The following NUP35 variants were observed in gnomAD, a reference collection of about 807,000 sequenced individuals.
The protein encoded by NUP35 is nucleoporin 35, also known as nucleoporin NUP35.
In NUP35, 25 loss-of-function variants were observed where a neutral mutation model predicts 41.5. The ratio of observed to expected loss-of-function variants is 0.60; its 90% confidence interval spans 0.44 to 0.84. NUP35 has a LOEUF of 0.84. NUP35 is among the 40% of genes least tolerant of loss of function. The pLI is 0.00. For synonymous variants in NUP35, 149 were observed against 130.7 expected (o/e 1.14, Z -0.96); for missense variants, 396 against 396.6 (o/e 1.00, Z 0.01).
chr2:183,142,454 CT>C (rs200327315), intron 4 of NUP35, among the ~76,000 whole-genome samples: 112 of 141,664 alleles, frequency 7.9e-4, no homozygotes, highest in Admixed American at 7.7e-4. Context: ...TGTGTGTTTT[CT>C]TTTTTTTTTT....
intron 4 of NUP35, among the ~76,000 whole-genome samples, chr2:183,134,156 A>T (rs374288625): frequency 9.2e-5 from 14 of 152,202 alleles, no homozygotes; most frequent in Non-Finnish European, 2.1e-4. Context: ...TTTAATAATC[A>T]TCATTATGCT....
chr2:183,159,379 A>T, intron 7 of NUP35, 109 bp from the exon 8 acceptor site: 1 of 862,860 alleles, frequency 1.2e-6, no homozygotes, highest in South Asian at 2.1e-5. Flanking sequence ...AATTAGAGCA[A>T]ATAAAGTATT....
intron 4 of NUP35, among the ~76,000 whole-genome samples, chr2:183,146,907 T>G (rs889966463): frequency 6.6e-6 from 1 of 152,166 alleles, no homozygotes; most frequent in Non-Finnish European, 1.5e-5. Context: ...ATTTTTTGAC[T>G]TTTTAATAGT....
chr2:183,146,772 T>A (rs539431381), intron 4 of NUP35, among the ~76,000 whole-genome samples: 3 of 152,194 alleles, frequency 2.0e-5, no homozygotes, highest in African/African-American at 7.2e-5. Flanking sequence ...AGTTTTTGTA[T>A]TTTTAGTAGA....
upstream of NUP35, among the ~76,000 whole-genome samples, chr2:183,122,860 A>G (rs934654454): frequency 1.3e-5 from 2 of 150,876 alleles, no homozygotes; most frequent in African/African-American, 4.8e-5. Flanking sequence ...AAAGATATCC[A>G]TACACTAAGC....
chr2:183,151,422 C>T, intron 4 of NUP35, 86 bp from the exon 5 acceptor site: 1 of 1,318,096 alleles, frequency 7.6e-7, no homozygotes, highest in African/African-American at 1.5e-5. Flanking sequence ...CTTTATTAGA[C>T]TTTATCATTT....
At chr2:183,150,413 C>A (rs1030326810) in intron 4 of NUP35, among the ~76,000 whole-genome samples, 1 of 152,196 alleles carries the variant, frequency 6.6e-6, no homozygotes, top group African/African-American at 2.4e-5. Flanking sequence ...CAGTGGCCTT[C>A]TTGCGTTCAT....
At chr2:183,149,349 A>G (rs765554033) in intron 4 of NUP35, among the ~76,000 whole-genome samples, 7 of 152,234 alleles carry the variant, frequency 4.6e-5, no homozygotes, top group African/African-American at 1.7e-4. Context: ...AAATAAAGCT[A>G]TTTCATATAA....
intron 2 of NUP35, 23 bp from the exon 3 acceptor site, chr2:183,130,395 T>C: frequency 1.5e-6 from 2 of 1,361,918 alleles, no homozygotes; most frequent in Non-Finnish European, 1.9e-6. Context: ...CCCTTTTTTT[T>C]TTTTTTTTTT....
intron 4 of NUP35, among the ~76,000 whole-genome samples, chr2:183,139,808 C>T (rs969816979): frequency 6.6e-6 from 1 of 152,196 alleles, no homozygotes; most frequent in Admixed American, 6.5e-5. Context: ...GGCATGCCAC[C>T]TTGCCAACAA....
At chr2:183,141,312 T>G (rs1685089134) in intron 4 of NUP35, among the ~76,000 whole-genome samples, 1 of 152,218 alleles carries the variant, frequency 6.6e-6, no homozygotes. Flanking sequence ...CATCTGAGGA[T>G]CTGTAATCAC....
chr2:183,158,747 C>G (rs1685764435), intron 7 of NUP35, among the ~76,000 whole-genome samples: 1 of 152,054 alleles, frequency 6.6e-6, no homozygotes, highest in Non-Finnish European at 1.5e-5. Flanking sequence ...ATACCAGATT[C>G]TTTAAAGTAC....
intron 2 of NUP35, 44 bp downstream of exon 2, chr2:183,128,501 A>C: frequency 6.8e-7 from 1 of 1,471,838 alleles, no homozygotes; most frequent in Non-Finnish European, 9.2e-7. Context: ...TGCTAGATAC[A>C]GGGATGTCCA....
chr2:183,141,432 T>G (rs559164004), intron 4 of NUP35, among the ~76,000 whole-genome samples: 3 of 152,348 alleles, frequency 2.0e-5, no homozygotes, highest in South Asian at 4.1e-4. Flanking sequence ...ATATTGCTAA[T>G]TCTTAATTTT....
chr2:183,151,501 A>G lies in NUP35; in HGVS notation c.398-7A>G. 1 of 1,612,898 alleles carries G rather than the reference A, an allele frequency of 6.2e-7. No homozygotes were observed. The highest frequency in any genetic ancestry group is 8.5e-7 in the Non-Finnish European group (1 of 1,179,492). Reference sequence around the variant, plus strand: ...TGGCAACTAACTTGCTAAATATACTAATATAGGGCAAAGTATGTTTAGTCC... The same window carrying G: ...TGGCAACTAACTTGCTAAATATACTGATATAGGGCAAAGTATGTTTAGTCC... On this transcript the variant is annotated splice_polypyrimidine_tract_variant and splice_region_variant and intron_variant, in intron 4 of 8. Transcript: ENST00000295119.
At chr2:183,159,919 C>T in intron 8 of NUP35, 1 of 360,110 alleles carries the variant, frequency 2.8e-6, no homozygotes, top group Non-Finnish European at 5.0e-6. Context: ...GTTATATTTG[C>T]ATACATACGA....
At chr2:183,148,713 C>T (rs773596655) in intron 4 of NUP35, among the ~76,000 whole-genome samples, 8 of 152,058 alleles carry the variant, frequency 5.3e-5, no homozygotes, top group Non-Finnish European at 1.0e-4. Context: ...GGTTGGAGTG[C>T]AGTGGCATGA....
intron 1 of NUP35, among the ~76,000 whole-genome samples, chr2:183,125,242 G>GA (rs57773201): frequency 0.049 from 7,386 of 151,644 alleles, 766 homozygotes; most frequent in African/African-American, 0.17. Context: ...TGTCGTCTTT[G>GA]AAAAAAATCT....
Position 183,151,649 on chromosome 2 carries a change from G to A in NUP35, c.539G>A (p.Gly180Glu). Reference sequence around the variant, plus strand: ...GATGACTCTTGGGTGACTGTATTTGGGTAAGGTTTGCAGACCATTTGCCTT... The same window carrying A: ...GATGACTCTTGGGTGACTGTATTTGAGTAAGGTTTGCAGACCATTTGCCTT... ...HLDDSWVTVF[G>E]FPQASASYIL... The change falls in exon 5 of 9, where the codon GGG becomes GAG. Residue 180 changes from glycine to glutamate, a missense_variant and splice_region_variant. Gly to Glu is a moderately conservative substitution (Grantham distance 98, BLOSUM62 -2). Transcript: ENST00000295119. The A allele has an allele frequency of 6.2e-7, 1 of 1,611,228 alleles. No individual in the cohort carries two copies. The highest frequency in any genetic ancestry group is 8.5e-7 in the Non-Finnish European group (1 of 1,179,096).
Sources: gnomAD v4.1 joint callset for allele counts (sites outside exome capture counted in the v4.1 genomes callset) on GRCh38, gnomAD v4.1.1 for gene constraint, MANE v1.5 for transcripts, NCBI Gene and HGNC (gene_info 2026-07-23, HGNC 2026-07-21) for gene names.